PYY: variants seen among roughly 807,000 people sequenced by gnomAD.
The protein encoded by PYY is peptide YY.
PYY carries 12 observed loss-of-function variants against 10.3 expected under a neutral mutation model. That is an observed-to-expected ratio of 1.17 (90% CI 0.75 to 1.89). The LOEUF (loss-of-function observed/expected upper bound fraction) is 1.89. Among genes scored for constraint, PYY ranks in the 40% most tolerant of loss-of-function variants. The pLI, the probability that PYY is intolerant of heterozygous loss-of-function variation, is 0.00. For missense variants in PYY, 141 were observed against 134.0 expected, an observed-to-expected ratio of 1.05 and a Z score of -0.26; for synonymous variants, 66 against 62.0, an observed-to-expected ratio of 1.06 and a Z score of -0.30.
chr17:44,003,666 CAAACAAAAAAAAAAA>C lies in PYY; in HGVS notation c.-463+710_-463+724del, dbSNP rs1480603648. Among the ~76,000 whole-genome samples, 4 of 57,912 alleles carry C rather than the reference CAAACAAAAAAAAAAA, an allele frequency of 6.9e-5. No homozygotes were observed. The East Asian group carries it at 2.4e-3, about 34-fold the overall frequency. The allele number at this position is 57,912 out of a possible 152,430, so 38.0% of individuals were successfully genotyped here. ...TGGGACTCCATCTCAAACAAACAAA[CAAACAAAAAAAAAAA>C]AAAAAAAAAGGGTTACAGAGGTCGA... On this transcript the variant is annotated intron_variant, in intron 1 of 6. Coordinates refer to the PYY transcript ENST00000360085.
At chr17:43,997,780 C>T (rs530233569) in intron 1 of PYY, among the ~76,000 whole-genome samples, 118 of 152,132 alleles carry the variant, frequency 7.8e-4, no homozygotes, top group African/African-American at 2.8e-3. Context: ...GCCCGCGTTC[C>T]TTTAAGGCCA....
rs141347387 is a variant in PYY at position 43,980,997 on chromosome 17, G to C, written c.-462-14465C>G. On this transcript the variant is annotated intron_variant, in intron 1 of 6. Transcript: ENST00000360085. ...GTGGCTACGAGCATTTCTTTTTTAAGCTTGCCCATCTGAGACAGCAGAACT... is the reference window on the plus strand; with the variant it reads ...GTGGCTACGAGCATTTCTTTTTTAACCTTGCCCATCTGAGACAGCAGAACT... Among the ~76,000 whole-genome samples, 557 of 151,616 alleles carry C rather than the reference G, an allele frequency of 3.7e-3. 2 individuals are homozygous for C. Among genetic ancestry groups the C allele is most frequent in the South Asian group, 0.012 (59 of 4,796 alleles).
chr17:44,000,113 G>C (rs527554026), intron 1 of PYY, among the ~76,000 whole-genome samples: 1 of 152,112 alleles, frequency 6.6e-6, no homozygotes, highest in African/African-American at 2.4e-5. Flanking sequence ...AACCTCCCAG[G>C]CTCAAGCAAT....
chr17:43,994,606 G>C (rs71371958), intron 1 of PYY, among the ~76,000 whole-genome samples: 8,066 of 152,222 alleles, frequency 0.053, 272 homozygotes, highest in East Asian at 0.12. Context: ...GGTGCGGCAA[G>C]GGCGCCCCAT....
In PYY at chr17:43,965,789, CAAAAAAAAAAAAAAA is replaced by C. The variant is rs67609128; in HGVS notation, c.-218+484_-218+498del. On this transcript the variant is annotated intron_variant, in intron 2 of 6. Coordinates refer to the PYY transcript ENST00000360085. ...GGCAACAGAGTGAGAATCCATCTCA[CAAAAAAAAAAAAAAA>C]AAAAAAAAAAAAAGAGAGAGAAACA... Among the ~76,000 whole-genome samples, 221 of 31,950 alleles carry C rather than the reference CAAAAAAAAAAAAAAA, an allele frequency of 6.9e-3. 7 individuals are homozygous for C. In the Middle Eastern group the frequency reaches 0.19, roughly 28 times the overall value. The allele number at this position is 31,950 out of a possible 152,430, so 21.0% of individuals were successfully genotyped here.
intron 2 of PYY, among the ~76,000 whole-genome samples, chr17:43,959,222 T>C (rs1218994090): frequency 1.3e-5 from 2 of 152,266 alleles, no homozygotes; most frequent in Admixed American, 1.3e-4. Flanking sequence ...TATGTGTCTT[T>C]ATGATTGCCC....
chr17:43,953,105 T>G lies in PYY; in HGVS notation c.269+4A>C. On this transcript the variant is annotated splice_donor_region_variant and intron_variant, in intron 3 of 3. Transcript: ENST00000692052. ...GCAGGATGTGTGGTAACGGGCGCTT[T>G]TACCGCGACCTGACGGGGCGGTCCT... 1 of 1,613,854 alleles carries G rather than the reference T, an allele frequency of 6.2e-7. No individual in the cohort carries two copies.
chr17:43,954,543 CCT>C (rs138851454), upstream of PYY, among the ~76,000 whole-genome samples: 946 of 152,248 alleles, frequency 6.2e-3, 17 homozygotes, highest in African/African-American at 0.021. Context: ...TCCATTATGT[CCT>C]CTCTCTATTA....
upstream of PYY, among the ~76,000 whole-genome samples, chr17:43,958,319 C>G (rs930069582): frequency 2.6e-5 from 4 of 151,778 alleles, no homozygotes; most frequent in African/African-American, 7.3e-5. Flanking sequence ...CTCAAGGGAT[C>G]CTTCGGCCTC....
intron 2 of PYY, among the ~76,000 whole-genome samples, chr17:43,960,740 C>G (rs1407188001): frequency 1.3e-5 from 2 of 151,138 alleles, no homozygotes; most frequent in Non-Finnish European, 2.9e-5. Context: ...ATCCCAGCTA[C>G]TCAGGAGACT....
intron 1 of PYY, among the ~76,000 whole-genome samples, chr17:44,002,153 A>G (rs2049031898): frequency 6.6e-6 from 1 of 152,136 alleles, no homozygotes; most frequent in Non-Finnish European, 1.5e-5. Flanking sequence ...AAACTCAATG[A>G]GGAGGTCCTA....
At chr17:43,976,282 C>CACATATATACAT (rs1491439269) in intron 1 of PYY, among the ~76,000 whole-genome samples, 1 of 99,342 alleles carries the variant, frequency 1.0e-5, no homozygotes. Flanking sequence ...CGTATATATA[C>CACATATATACAT]GCATATGTAT....
intron 1 of PYY, among the ~76,000 whole-genome samples, chr17:43,978,891 G>A (rs903283049): frequency 1.3e-5 from 2 of 152,218 alleles, no homozygotes; most frequent in African/African-American, 4.8e-5. Context: ...GCATTGGTCG[G>A]TCTAACCCTT....
chr17:43,972,949 G>A (rs535672417), intron 1 of PYY, among the ~76,000 whole-genome samples: 79 of 151,880 alleles, frequency 5.2e-4, no homozygotes, highest in Middle Eastern at 3.4e-3. Flanking sequence ...TCTTGACCTC[G>A]TGATCCGCCC....
chr17:43,984,393 G>A (rs2543101), intron 1 of PYY, among the ~76,000 whole-genome samples: 81,284 of 152,066 alleles, frequency 0.53, 22,655 homozygotes, highest in Middle Eastern at 0.76. Context: ...AGCTACCATC[G>A]ACACCACCCA....
chr17:43,997,399 G>A (rs2048998543), intron 1 of PYY, among the ~76,000 whole-genome samples: 1 of 152,078 alleles, frequency 6.6e-6, no homozygotes, highest in African/African-American at 2.4e-5. Context: ...AGGTTACCAT[G>A]GGGATACCTG....
At chr17:43,993,486 C>T (rs1473559524) in intron 1 of PYY, among the ~76,000 whole-genome samples, 1 of 151,100 alleles carries the variant, frequency 6.6e-6, no homozygotes, top group Non-Finnish European at 1.5e-5. Context: ...ATTAGCCAGG[C>T]ATGGTGGGGC....
intron 1 of PYY, among the ~76,000 whole-genome samples, chr17:43,994,465 A>G (rs2048977915): frequency 6.6e-6 from 1 of 152,252 alleles, no homozygotes; most frequent in East Asian, 1.9e-4. Context: ...GCCACCGTGT[A>G]AGGTAGGGAG....
At chr17:43,978,007 C>T (rs1851240486) in intron 1 of PYY, among the ~76,000 whole-genome samples, 3 of 151,778 alleles carry the variant, frequency 2.0e-5, no homozygotes, top group Admixed American at 1.3e-4. Flanking sequence ...CAAGACCAGC[C>T]TGGGCAACAG....
Sources: gnomAD v4.1 joint callset for allele counts (sites outside exome capture counted in the v4.1 genomes callset) on GRCh38, gnomAD v4.1.1 for gene constraint, MANE v1.5 for transcripts, NCBI Gene and HGNC (gene_info 2026-07-23, HGNC 2026-07-21) for gene names.